The following TANC1 variants were observed in gnomAD, a reference collection of about 807,000 sequenced individuals.
TANC1 encodes the protein protein TANC1.
TANC1 carries 77 observed loss-of-function variants against 149.7 expected under a neutral mutation model. The observed-to-expected ratio is 0.51, with a 90% CI of 0.43 to 0.62. TANC1 has a LOEUF of 0.62. Ranked by LOEUF, TANC1 falls within the 20% of genes least tolerant of loss-of-function variation. The pLI is 0.00. For synonymous variants in TANC1, 854 were observed against 925.0 expected, an observed-to-expected ratio of 0.92 and a Z score of 1.39; for missense variants, 1,985 against 2,321.8, an observed-to-expected ratio of 0.85 and a Z score of 2.98.
At chr2:159,038,945 C>T (rs2149516322) in intron 2 of TANC1, among the ~76,000 whole-genome samples, 1 of 152,216 alleles carries the variant, frequency 6.6e-6, no homozygotes, top group South Asian at 2.1e-4. Context: ...CTCTTTGTAC[C>T]TCTGGTAGAA....
intron 1 of TANC1, among the ~76,000 whole-genome samples, chr2:158,980,469 A>G (rs2034169527): frequency 6.6e-6 from 1 of 152,164 alleles, no homozygotes; most frequent in South Asian, 2.1e-4. Context: ...ACAATTAACA[A>G]TAATTTAAAA....
intron 1 of TANC1, among the ~76,000 whole-genome samples, chr2:158,987,497 C>T (rs1266602257): frequency 6.6e-6 from 1 of 152,180 alleles, no homozygotes; most frequent in Non-Finnish European, 1.5e-5. Flanking sequence ...CACTGCACTC[C>T]AGCCTGTACA....
intron 22 of TANC1, among the ~76,000 whole-genome samples, chr2:159,221,003 G>C (rs556489792): frequency 6.6e-6 from 1 of 152,240 alleles, no homozygotes; most frequent in East Asian, 1.9e-4. Context: ...CACCCAAATA[G>C]TATTTCTTTT....
chr2:159,045,879 A>T (rs2041001200), intron 2 of TANC1, among the ~76,000 whole-genome samples: 3 of 152,224 alleles, frequency 2.0e-5, no homozygotes. Flanking sequence ...ACAAAGAACA[A>T]GAAAAATGAC....
chr2:159,008,324 T>C (rs1303668286), intron 2 of TANC1, among the ~76,000 whole-genome samples: 3 of 152,180 alleles, frequency 2.0e-5, no homozygotes, highest in African/African-American at 7.2e-5. Context: ...TGTGCCCTAT[T>C]GAGGGAAATA....
chr2:159,050,804 A>G (rs750126474), intron 2 of TANC1, among the ~76,000 whole-genome samples: 5 of 152,138 alleles, frequency 3.3e-5, no homozygotes, highest in Non-Finnish European at 7.3e-5. Flanking sequence ...ATTTGTATTG[A>G]TTTATGATAT....
At chr2:159,080,665 C>T (rs552432583) in intron 3 of TANC1, among the ~76,000 whole-genome samples, 1 of 152,342 alleles carries the variant, frequency 6.6e-6, no homozygotes, top group African/African-American at 2.4e-5. Context: ...AAGGCCTAGG[C>T]TACGCATCAC....
At chr2:159,228,749 C>A in intron 25 of TANC1, 47 bp from the exon 26 acceptor site, 1 of 1,389,646 alleles carries the variant, frequency 7.2e-7, no homozygotes, top group Non-Finnish European at 1.0e-6. Flanking sequence ...TTCCCACAAT[C>A]GTGTGTCCAG....
chr2:159,116,919 A>G (rs200310304), intron 4 of TANC1, among the ~76,000 whole-genome samples: 9 of 152,204 alleles, frequency 5.9e-5, no homozygotes, highest in Non-Finnish European at 1.2e-4. Context: ...GTTGATAACC[A>G]GTTGGGATTT....
At chr2:159,228,508 C>G in intron 25 of TANC1, 1 of 403,602 alleles carries the variant, frequency 2.5e-6, no homozygotes, top group Non-Finnish European at 4.5e-6. Flanking sequence ...GATGCAGTGT[C>G]TGCGCTCCTC....
rs573295871 is a variant in TANC1, at chr2:159,192,205, A to G, written c.2743-2052A>G. Reference sequence around the variant, plus strand: ...ATTATGCTGCGGACAATCATGGCACATGTGGACATTTCCATATTTTCTGTT... The same window carrying G: ...ATTATGCTGCGGACAATCATGGCACGTGTGGACATTTCCATATTTTCTGTT... On this transcript the variant is annotated intron_variant, in intron 16 of 26. Coordinates refer to ENST00000263635, the MANE Select transcript of TANC1 (RefSeq NM_033394.3). Among the ~76,000 whole-genome samples, 6 of 152,342 alleles carry G rather than the reference A, an allele frequency of 3.9e-5. No individual in the cohort carries two copies. The South Asian group carries it at 1.2e-3, about 32-fold the overall frequency.
chr2:159,216,184 T>C (rs1333476337), intron 19 of TANC1, among the ~76,000 whole-genome samples: 4 of 152,206 alleles, frequency 2.6e-5, no homozygotes, highest in Non-Finnish European at 5.9e-5. Context: ...CTTGGTGCTC[T>C]TCATAGGCTC....
rs2054219269 is a variant in TANC1 at position 159,163,171 on chromosome 2, G to A, written c.683-112G>A. 2.8e-6 allele frequency: 3 copies of A among 1,053,386 alleles called. No homozygotes were observed. In the South Asian group the frequency reaches 4.9e-5, roughly 17 times the overall value. 65.3% of individuals were successfully genotyped at this position (1,053,386 alleles called of 1,614,324 possible). A position where few individuals can be genotyped will look rare whatever the true frequency, so the allele number is the denominator to read the frequency against. On this transcript the variant is annotated intron_variant, in intron 7 of 26. Coordinates refer to ENST00000263635, the MANE Select transcript of TANC1 (RefSeq NM_033394.3). ...ATGGAACATACTTTGATAAAAATCT[G>A]TGTGGACTGGAAAACTTTCCATTGA...
At chr2:159,109,923 C>A (rs904948753) in intron 4 of TANC1, among the ~76,000 whole-genome samples, 2 of 152,148 alleles carry the variant, frequency 1.3e-5, no homozygotes, top group Non-Finnish European at 2.9e-5. Flanking sequence ...GGCAAAAGTT[C>A]TTGACTTAAT....
intron 2 of TANC1, among the ~76,000 whole-genome samples, chr2:159,035,703 C>G (rs1159701890): frequency 2.0e-5 from 3 of 152,200 alleles, no homozygotes; most frequent in African/African-American, 4.8e-5. Flanking sequence ...GTGATCTCAT[C>G]ACCACAAAAA....
intron 4 of TANC1, among the ~76,000 whole-genome samples, chr2:159,119,796 T>A (rs1033122773): frequency 3.3e-5 from 5 of 152,100 alleles, no homozygotes; most frequent in African/African-American, 1.2e-4. Context: ...AATCTGTGAG[T>A]GCAATTTGTC....
At chr2:159,119,939 T>A (rs772553710) in intron 4 of TANC1, among the ~76,000 whole-genome samples, 4 of 152,194 alleles carry the variant, frequency 2.6e-5, no homozygotes, top group Non-Finnish European at 4.4e-5. Context: ...TCATCAACAA[T>A]GAGGTCAGAG....
At chr2:159,154,314 T>C (rs2053186933) in intron 7 of TANC1, among the ~76,000 whole-genome samples, 1 of 152,236 alleles carries the variant, frequency 6.6e-6, no homozygotes, top group Non-Finnish European at 1.5e-5. Flanking sequence ...TCATGTTGGT[T>C]ATATTTAATC....
intron 2 of TANC1, among the ~76,000 whole-genome samples, chr2:159,062,990 A>AAAAAAG: frequency 6.8e-6 from 1 of 147,738 alleles, no homozygotes; most frequent in Non-Finnish European, 1.5e-5. Flanking sequence ...AAAAAAAAAA[A>AAAAAAG]AAAAAGAAAG....
Sources: gnomAD v4.1 joint callset for allele counts (sites outside exome capture counted in the v4.1 genomes callset) on GRCh38, gnomAD v4.1.1 for gene constraint, MANE v1.5 for transcripts, NCBI Gene and HGNC (gene_info 2026-07-23, HGNC 2026-07-21) for gene names.